PCDH11Y: variants seen among roughly 807,000 people sequenced by gnomAD.
PCDH11Y encodes the protein protocadherin 11 Y-linked, also known as protocadherin-11 Y-linked.
For missense variants in PCDH11Y, 12 were observed against 224.8 expected (o/e 0.05, Z 6.05); for synonymous variants, 9 against 83.6 (o/e 0.11, Z 4.87).
intron 2 of PCDH11Y, among the ~76,000 whole-genome samples, chrY:5,273,885 C>T (rs2053040795): frequency 3.0e-5 from 1 of 32,929 alleles, no homozygotes; most frequent in Non-Finnish European, 7.5e-5. Flanking sequence ...GTTTTTTTCT[C>T]TTGTTATGCT....
At chrY:5,452,453 T>A in intron 2 of PCDH11Y, among the ~76,000 whole-genome samples, 1 of 33,496 alleles carries the variant, frequency 3.0e-5, no homozygotes, top group Non-Finnish European at 7.4e-5. Flanking sequence ...CATGTTGGGA[T>A]AGCAGAGTGC....
chrY:5,026,777 T>C lies in PCDH11Y; in HGVS notation c.-133-5129T>C, dbSNP rs373828060. 4.2e-4 allele frequency among the ~76,000 whole-genome samples: 14 copies of C among 33,599 alleles called. No individual in the cohort carries two copies. The East Asian group carries it at 0.01, about 25-fold the overall frequency. 90.1% of individuals were successfully genotyped at this position (33,599 alleles called of 37,273 possible). ...AACTAGACACTAGACCCTTTTCATC[T>C]AGATATTGCATATCTCATATATATT... On this transcript the variant is annotated intron_variant, in intron 1 of 5. Transcript: ENST00000333703.
chrY:5,638,271 T>C (rs2053520406), intron 4 of PCDH11Y, among the ~76,000 whole-genome samples: 1 of 30,972 alleles, frequency 3.2e-5, no homozygotes, highest in Non-Finnish European at 7.8e-5. Context: ...CTATACTGTT[T>C]GGCCTTGGAC....
intron 4 of PCDH11Y, among the ~76,000 whole-genome samples, chrY:5,728,624 C>A (rs1602964813): frequency 6.1e-5 from 2 of 32,980 alleles, no homozygotes; most frequent in Middle Eastern, 0.029. Flanking sequence ...TCTTCATTTT[C>A]TTATTGTTGT....
At chrY:5,682,004 A>G (rs2053558878) in intron 4 of PCDH11Y, among the ~76,000 whole-genome samples, 1 of 30,997 alleles carries the variant, frequency 3.2e-5, no homozygotes, top group Non-Finnish European at 7.7e-5. Context: ...CCATTTCCCA[A>G]TAAGTTTCTC....
At chrY:5,449,952 G>GGT (rs2053291745) in intron 2 of PCDH11Y, among the ~76,000 whole-genome samples, 1 of 32,851 alleles carries the variant, frequency 3.0e-5, no homozygotes, top group Non-Finnish European at 7.6e-5. Flanking sequence ...ATAGATATTG[G>GGT]GTGTGTGTGT....
intron 2 of PCDH11Y, among the ~76,000 whole-genome samples, chrY:5,312,289 A>G: frequency 3.2e-5 from 1 of 31,200 alleles, no homozygotes; most frequent in African/African-American, 1.2e-4. Flanking sequence ...TTCATATCTA[A>G]TCAAATCATG....
At chrY:5,245,514 A>C in intron 2 of PCDH11Y, among the ~76,000 whole-genome samples, 9 of 31,763 alleles carry the variant, frequency 2.8e-4, no homozygotes, top group Non-Finnish European at 4.6e-4. Flanking sequence ...ACTTCCCTAC[A>C]GAAGAGGGAC....
At chrY:5,104,245 T>A, downstream of PCDH11Y, 1 of 347,947 alleles carries the variant, frequency 2.9e-6, no homozygotes, top group Non-Finnish European at 4.1e-6. Context: ...GCATTTATAT[T>A]TTGGTAATGC....
At chrY:5,417,922 A>T in intron 2 of PCDH11Y, among the ~76,000 whole-genome samples, 1 of 33,757 alleles carries the variant, frequency 3.0e-5, no homozygotes, top group East Asian at 7.7e-4. Flanking sequence ...GCCACCTGCA[A>T]TTATGTGTTT....
At chrY:5,646,187 G>A (rs4029100) in intron 4 of PCDH11Y, among the ~76,000 whole-genome samples, 1 of 33,024 alleles carries the variant, frequency 3.0e-5, no homozygotes, top group East Asian at 8.1e-4. Flanking sequence ...TGCCATTTGC[G>A]ACAACACCTA....
chrY:5,284,454 C>A (rs2053057844), intron 2 of PCDH11Y, among the ~76,000 whole-genome samples: 1 of 31,592 alleles, frequency 3.2e-5, no homozygotes. Flanking sequence ...GTATTTAATG[C>A]CCATTTAGTC....
chrY:5,559,138 G>A, intron 3 of PCDH11Y, among the ~76,000 whole-genome samples: 1 of 32,748 alleles, frequency 3.1e-5, no homozygotes, highest in Admixed American at 2.8e-4. Flanking sequence ...GAACATGTTA[G>A]CAAATGCCTT....
chrY:5,089,585 G>T (rs2052737543), intron 1 of PCDH11Y, among the ~76,000 whole-genome samples: 1 of 33,666 alleles, frequency 3.0e-5, no homozygotes, highest in African/African-American at 1.2e-4. Context: ...ATTAGAATGA[G>T]CCATCTCTGA....
intron 2 of PCDH11Y, among the ~76,000 whole-genome samples, chrY:5,205,232 G>T: frequency 3.4e-5 from 1 of 29,032 alleles, no homozygotes; most frequent in African/African-American, 1.4e-4. Flanking sequence ...CCCTCCCAAA[G>T]TTCTGGGATT....
At chrY:5,017,947 T>A in intron 1 of PCDH11Y, among the ~76,000 whole-genome samples, 1 of 33,416 alleles carries the variant, frequency 3.0e-5, no homozygotes, top group Non-Finnish European at 7.4e-5. Context: ...TTTTTGTTTA[T>A]ATTTTGAAAT....
At chrY:5,270,740 T>C in intron 2 of PCDH11Y, among the ~76,000 whole-genome samples, 8 of 32,320 alleles carry the variant, frequency 2.5e-4, no homozygotes, top group Non-Finnish European at 5.2e-4. Flanking sequence ...ATAGTGGGAG[T>C]ATTTATGCCG....
chrY:5,628,696 A>G, intron 4 of PCDH11Y, among the ~76,000 whole-genome samples: 1 of 33,951 alleles, frequency 2.9e-5, no homozygotes, highest in Non-Finnish European at 7.3e-5. Flanking sequence ...ATCTTCTTTG[A>G]GATAAGTATT....
At chrY:5,490,158 G>A in intron 2 of PCDH11Y, among the ~76,000 whole-genome samples, 1 of 32,896 alleles carries the variant, frequency 3.0e-5, no homozygotes, top group Non-Finnish European at 7.5e-5. Context: ...TATTAACTAG[G>A]TGGCTTATAA....
Sources: gnomAD v4.1 joint callset for allele counts (sites outside exome capture counted in the v4.1 genomes callset) on GRCh38, gnomAD v4.1.1 for gene constraint, MANE v1.5 for transcripts, NCBI Gene and HGNC (gene_info 2026-07-23, HGNC 2026-07-21) for gene names.